Variants in CD96 observed in about 807,000 individuals in gnomAD.
CD96 encodes the protein T-cell surface protein tactile.
Under a neutral mutation model 71.3 loss-of-function variants are expected in CD96, and 70 were observed. The ratio of observed to expected loss-of-function variants is 0.98; its 90% CI spans 0.81 to 1.20. CD96 has a LOEUF of 1.20. Among genes scored for constraint, CD96 ranks in the 50% most tolerant of loss-of-function variants. CD96 has a pLI of 0.00. For missense variants in CD96, 742 were observed against 677.5 expected (o/e 1.10, Z -1.06); for synonymous variants, 248 against 233.0 (o/e 1.06, Z -0.59).
rs554201300 is a variant in CD96, at chr3:111,606,941, G to C, written c.1180+149G>C. On this transcript the variant is annotated intron_variant, in intron 8 of 13. Transcript: ENST00000352690. ...TTTTATTTTTTAACAGCTTTATTGAGATATAATTCACGTCACATTAACTTG... is the reference window on the plus strand; with the variant it reads ...TTTTATTTTTTAACAGCTTTATTGACATATAATTCACGTCACATTAACTTG... 7 of 695,280 alleles carry C rather than the reference G, an allele frequency of 1.0e-5. No homozygotes were observed. In the South Asian group the frequency reaches 1.1e-4, roughly 10 times the overall value. The allele number at this position is 695,280 out of a possible 1,614,324, so 43.1% of individuals were successfully genotyped here.
chr3:111,553,171 GTT>G (rs142768577), intron 2 of CD96, among the ~76,000 whole-genome samples: 5 of 141,474 alleles, frequency 3.5e-5, no homozygotes, highest in South Asian at 2.3e-4. Context: ...GTTATATTTT[GTT>G]TTTTTTTTTA....
chr3:111,642,494 T>G (rs1226233499), intron 12 of CD96, among the ~76,000 whole-genome samples: 2 of 152,142 alleles, frequency 1.3e-5, no homozygotes, highest in African/African-American at 2.4e-5. Context: ...GAGATTGAAA[T>G]GGCAATTTAA....
chr3:111,569,947 A>G (rs2107554762), intron 3 of CD96, among the ~76,000 whole-genome samples: 1 of 151,730 alleles, frequency 6.6e-6, no homozygotes, highest in Non-Finnish European at 1.5e-5. Flanking sequence ...CCAGGTTAAC[A>G]GTAAATTCTT....
chr3:111,607,875 T>C (rs16858327), intron 8 of CD96, among the ~76,000 whole-genome samples: 38,933 of 152,128 alleles, frequency 0.26, 5,886 homozygotes, highest in African/African-American at 0.43. Context: ...TTTAACTCAC[T>C]GCCGGTTAAT....
Position 111,600,861 on chromosome 3 carries a change from T to C in CD96, c.1034T>C (p.Val345Ala). Residue 345 changes from valine (V) to alanine (A), a missense_variant, in exon 7 of 14, where the codon GTC becomes GCC. Transcript: ENST00000352690. The part of the protein sequence containing the change: ...LTIWCMALSP[V>A]PGNKVWNISS... ...ATTTGGTGTATGGCTCTGTCTCCAG[T>C]CCCAGGAAATAAAGTGTGGAACATC... The C allele has an allele frequency of 1.2e-6, 2 of 1,613,234 alleles. No individual in the cohort carries two copies. The highest frequency in any genetic ancestry group is 1.7e-6 in the Non-Finnish European group (2 of 1,179,210).
At chr3:111,588,798 T>C (rs1317535068) in intron 5 of CD96, among the ~76,000 whole-genome samples, 1 of 152,224 alleles carries the variant, frequency 6.6e-6, no homozygotes, top group Admixed American at 6.5e-5. Flanking sequence ...ATATCACTGC[T>C]ATTATAATCC....
chr3:111,545,885 T>G (rs1934371087), intron 2 of CD96, among the ~76,000 whole-genome samples: 1 of 152,128 alleles, frequency 6.6e-6, no homozygotes, highest in Admixed American at 6.5e-5. Context: ...TTGGACCTGG[T>G]CAGCTTCCCT....
chr3:111,603,833 A>G (rs1385407422), intron 7 of CD96, among the ~76,000 whole-genome samples: 2 of 152,230 alleles, frequency 1.3e-5, no homozygotes, highest in African/African-American at 2.4e-5. Flanking sequence ...CAGGAGGACC[A>G]CTGCATATTG....
At chr3:111,561,883 C>T (rs1465654758) in intron 2 of CD96, among the ~76,000 whole-genome samples, 7 of 149,822 alleles carry the variant, frequency 4.7e-5, no homozygotes, top group South Asian at 2.2e-4. Context: ...TAGGACCCTC[C>T]GAGCCAGGTG....
intron 12 of CD96, among the ~76,000 whole-genome samples, 153 bp from the exon 13 acceptor site, chr3:111,647,390 T>C (rs934742828): frequency 1.3e-5 from 2 of 152,146 alleles, no homozygotes; most frequent in African/African-American, 4.8e-5. Context: ...TATCACCTCA[T>C]GTAGGTAACA....
At chr3:111,639,836 C>G (rs186800420) in intron 12 of CD96, among the ~76,000 whole-genome samples, 2 of 152,304 alleles carry the variant, frequency 1.3e-5, no homozygotes, top group Admixed American at 1.3e-4. Context: ...GTACCAGCCT[C>G]CAGCCAGGCA....
intron 12 of CD96, among the ~76,000 whole-genome samples, chr3:111,640,606 C>T (rs1939545353): frequency 6.6e-6 from 1 of 152,098 alleles, no homozygotes; most frequent in Non-Finnish European, 1.5e-5. Context: ...TCGTGACAGC[C>T]CTAGATGTGC....
At chr3:111,641,933 A>G (rs1197651489) in intron 12 of CD96, among the ~76,000 whole-genome samples, 1 of 152,240 alleles carries the variant, frequency 6.6e-6, no homozygotes, top group African/African-American at 2.4e-5. Context: ...TGGAAATTTA[A>G]AAATTCTTCG....
chr3:111,609,499 C>T (rs971446421), intron 8 of CD96, among the ~76,000 whole-genome samples: 18 of 152,114 alleles, frequency 1.2e-4, no homozygotes, highest in African/African-American at 4.3e-4. Context: ...TAAAAGCAGA[C>T]ATGAATTTCT....
intron 2 of CD96, among the ~76,000 whole-genome samples, chr3:111,550,933 G>T (rs1372825476): frequency 6.6e-6 from 1 of 152,092 alleles, no homozygotes; most frequent in African/African-American, 2.4e-5. Context: ...AGTACATAGT[G>T]CCACATTTGG....
At chr3:111,630,458 G>A (rs1939002944) in intron 10 of CD96, among the ~76,000 whole-genome samples, 1 of 152,112 alleles carries the variant, frequency 6.6e-6, no homozygotes, top group African/African-American at 2.4e-5. Context: ...ACTGAACCAG[G>A]AAGAAACTGA....
intron 2 of CD96, among the ~76,000 whole-genome samples, chr3:111,557,599 G>T (rs1272213808): frequency 0.013 from 1,693 of 127,392 alleles, 38 homozygotes; most frequent in African/African-American, 0.048. Context: ...TGCTGTTTTG[G>T]TTACTGTAGC....
intron 11 of CD96, among the ~76,000 whole-genome samples, chr3:111,637,795 CT>C (rs11326112): frequency 0.9 from 128,268 of 142,748 alleles, 58,287 homozygotes; most frequent in Non-Finnish European, 0.96. Flanking sequence ...TATGGAGCTT[CT>C]TTTTTTTTTT....
chr3:111,584,806 G>A (rs766658623), intron 4 of CD96, among the ~76,000 whole-genome samples: 7 of 152,144 alleles, frequency 4.6e-5, no homozygotes, highest in African/African-American at 7.2e-5. Context: ...TTTGAGTGAG[G>A]ACAGAGCCAA....
Sources: gnomAD v4.1 joint callset for allele counts (sites outside exome capture counted in the v4.1 genomes callset) on GRCh38, gnomAD v4.1.1 for gene constraint, MANE v1.5 for transcripts, NCBI Gene and HGNC (gene_info 2026-07-23, HGNC 2026-07-21) for gene names.